RAP1A: variants seen among roughly 807,000 people sequenced by gnomAD.
RAP1A encodes ras-related protein Rap-1A.
RAP1A carries 6 observed loss-of-function variants against 26.4 expected under a neutral mutation model. That is an observed-to-expected ratio of 0.23 (90% CI 0.12 to 0.45). RAP1A has a LOEUF of 0.45. Among genes scored for constraint, RAP1A ranks in the 20% least tolerant of loss-of-function variants. The pLI is 0.99. For synonymous variants in RAP1A, 73 were observed against 79.4 expected, an observed-to-expected ratio of 0.92 and a Z score of 0.43; for missense variants, 121 against 217.2, an observed-to-expected ratio of 0.56 and a Z score of 2.78.
At chr1:111,618,009 C>T (rs888147052), upstream of RAP1A, among the ~76,000 whole-genome samples, 5 of 150,978 alleles carry the variant, frequency 3.3e-5, no homozygotes, top group Non-Finnish European at 5.9e-5. Flanking sequence ...CACCACTGCA[C>T]TCCAGCCTAG....
intron 1 of RAP1A, chr1:111,648,523 C>A: frequency 1.8e-6 from 1 of 559,630 alleles, no homozygotes. Context: ...TGCCCCTCTG[C>A]CCGGGTCTGT....
chr1:111,617,599 A>T (rs1446226471), upstream of RAP1A, among the ~76,000 whole-genome samples: 1 of 151,304 alleles, frequency 6.6e-6, no homozygotes, highest in Non-Finnish European at 1.5e-5. Flanking sequence ...CGCCTGGCTA[A>T]TTTTTTTTGT....
chr1:111,632,512 CTG>C (rs1314138860), intron 1 of RAP1A, among the ~76,000 whole-genome samples: 1 of 151,946 alleles, frequency 6.6e-6, no homozygotes, highest in East Asian at 1.9e-4. Context: ...ACGTGCTAGA[CTG>C]TGGAAAAGGA....
chr1:111,567,371 G>A (rs550227572), intron 1 of RAP1A, among the ~76,000 whole-genome samples: 20 of 152,284 alleles, frequency 1.3e-4, no homozygotes, highest in African/African-American at 4.8e-4. Context: ...CATGAAGCTG[G>A]AAACTTTGTC....
At chr1:111,578,100 T>A (rs1019387572) in intron 1 of RAP1A, among the ~76,000 whole-genome samples, 4 of 152,068 alleles carry the variant, frequency 2.6e-5, no homozygotes, top group African/African-American at 9.7e-5. Flanking sequence ...TTTGGAGACT[T>A]AAATAAGAAA....
intron 1 of RAP1A, among the ~76,000 whole-genome samples, chr1:111,676,917 C>G (rs1255887669): frequency 1.3e-5 from 2 of 152,032 alleles, no homozygotes; most frequent in African/African-American, 4.8e-5. Context: ...CCTCAGCCTC[C>G]CGAGTAGCCA....
intron 1 of RAP1A, among the ~76,000 whole-genome samples, chr1:111,634,682 G>T (rs1376245761): frequency 1.3e-5 from 2 of 151,672 alleles, no homozygotes; most frequent in Non-Finnish European, 2.9e-5. Context: ...GTCTCACTCT[G>T]TTGCCAGGCT....
chr1:111,631,290 G>A (rs1450913660), intron 1 of RAP1A, among the ~76,000 whole-genome samples: 4 of 152,160 alleles, frequency 2.6e-5, no homozygotes, highest in African/African-American at 7.2e-5. Context: ...TGTCATTGCA[G>A]TTGGTAGACA....
intron 3 of RAP1A, 141 bp downstream of exon 3, chr1:111,695,550 C>T: frequency 1.8e-6 from 1 of 554,712 alleles, no homozygotes; most frequent in Admixed American, 4.2e-5. Context: ...TTCATCAAGA[C>T]AGAACATTTC....
intron 1 of RAP1A, among the ~76,000 whole-genome samples, chr1:111,676,516 AT>A (rs1172241477): frequency 6.6e-6 from 1 of 152,026 alleles, no homozygotes; most frequent in East Asian, 1.9e-4. Context: ...ATTCTGAGAA[AT>A]TTCTCTCTTT....
At chr1:111,605,815 G>A (rs1039038204) in intron 1 of RAP1A, among the ~76,000 whole-genome samples, 1 of 152,228 alleles carries the variant, frequency 6.6e-6, no homozygotes, top group Non-Finnish European at 1.5e-5. Flanking sequence ...CAGTGCAGCT[G>A]GGGGCAGCAG....
chr1:111,584,615 G>A (rs938714342), intron 1 of RAP1A, among the ~76,000 whole-genome samples: 1 of 152,104 alleles, frequency 6.6e-6, no homozygotes, highest in African/African-American at 2.4e-5. Flanking sequence ...TATGCATGTG[G>A]GGGGACACTG....
At chr1:111,610,896 A>G (rs952354446) in intron 1 of RAP1A, among the ~76,000 whole-genome samples, 55 of 152,240 alleles carry the variant, frequency 3.6e-4, no homozygotes, top group African/African-American at 1.3e-3. Flanking sequence ...TCTTTAAGGT[A>G]GTATTCCCAT....
At chr1:111,699,753 C>T (rs1047647620) in intron 4 of RAP1A, among the ~76,000 whole-genome samples, 3 of 152,070 alleles carry the variant, frequency 2.0e-5, no homozygotes, top group Non-Finnish European at 2.9e-5. Context: ...CAGGTGTGAG[C>T]CACTGCACCC....
chr1:111,645,468 A>C (rs1660035722), intron 1 of RAP1A, among the ~76,000 whole-genome samples: 1 of 152,238 alleles, frequency 6.6e-6, no homozygotes, highest in Non-Finnish European at 1.5e-5. Flanking sequence ...TAGTGACATC[A>C]GTTATATAAT....
intron 1 of RAP1A, among the ~76,000 whole-genome samples, chr1:111,585,768 G>A (rs1018370716): frequency 6.6e-6 from 1 of 152,132 alleles, no homozygotes. Flanking sequence ...TAGGATGTGA[G>A]TTATCATATA....
chr1:111,662,571 A>C (rs1301448910), intron 1 of RAP1A, among the ~76,000 whole-genome samples: 1 of 152,062 alleles, frequency 6.6e-6, no homozygotes, highest in Non-Finnish European at 1.5e-5. Context: ...AACTCATAAC[A>C]CTCTGGCCAT....
At chr1:111,650,664 T>C (rs887709007) in intron 1 of RAP1A, 1 of 152,224 alleles carries the variant, frequency 6.6e-6, no homozygotes, top group African/African-American at 2.4e-5. Flanking sequence ...TTGGTACATA[T>C]GTTACAGCTG....
chr1:111,614,484 G>A (rs1055912033), intron 1 of RAP1A, among the ~76,000 whole-genome samples: 1 of 152,194 alleles, frequency 6.6e-6, no homozygotes, highest in Non-Finnish European at 1.5e-5. Flanking sequence ...TCCTAGAAGT[G>A]TCTATGCTTT....
Sources: gnomAD v4.1 joint callset for allele counts (sites outside exome capture counted in the v4.1 genomes callset) on GRCh38, gnomAD v4.1.1 for gene constraint, MANE v1.5 for transcripts, NCBI Gene and HGNC (gene_info 2026-07-23, HGNC 2026-07-21) for gene names.